The following PRKG1 variants were observed in gnomAD, a reference collection of about 807,000 sequenced individuals.
PRKG1 encodes protein kinase cGMP-dependent 1.
In PRKG1, 35 loss-of-function variants were observed where a neutral mutation model predicts 88.1. The ratio of observed to expected loss-of-function variants is 0.40; its 90% CI spans 0.30 to 0.53. PRKG1 has a LOEUF of 0.53. Ranked by LOEUF, PRKG1 falls within the 20% of genes least tolerant of loss-of-function variation. PRKG1 has a pLI of 0.59. For missense variants in PRKG1, 540 were observed against 839.8 expected (o/e 0.64, Z 4.41); for synonymous variants, 303 against 292.5 (o/e 1.04, Z -0.37).
intron 4 of PRKG1, among the ~76,000 whole-genome samples, chr10:51,809,532 A>T (rs1433830301): frequency 4.6e-5 from 7 of 152,188 alleles, no homozygotes; most frequent in African/African-American, 1.7e-4. Flanking sequence ...GAGGAGCATT[A>T]GTATGTAGCT....
chr10:51,538,264 A>C (rs1396116063), intron 3 of PRKG1, among the ~76,000 whole-genome samples: 1 of 151,946 alleles, frequency 6.6e-6, no homozygotes, highest in Non-Finnish European at 1.5e-5. Context: ...TCAGTACAAA[A>C]GATACTCCTC....
At chr10:51,611,853 A>G (rs1838918268) in intron 3 of PRKG1, among the ~76,000 whole-genome samples, 1 of 152,106 alleles carries the variant, frequency 6.6e-6, no homozygotes. Flanking sequence ...TCTTCTGCAT[A>G]TGGTTAACCA....
chr10:51,329,520 G>C (rs538883154), intron 2 of PRKG1, among the ~76,000 whole-genome samples: 3 of 152,084 alleles, frequency 2.0e-5, no homozygotes, highest in African/African-American at 7.2e-5. Context: ...TTTTACCAGC[G>C]GGTTTTATAC....
intron 3 of PRKG1, among the ~76,000 whole-genome samples, chr10:51,534,616 G>A (rs1346032925): frequency 2.1e-5 from 3 of 144,510 alleles, no homozygotes; most frequent in South Asian, 2.1e-4. Context: ...GCAGTGAGCC[G>A]AGATCACGCC....
At chr10:51,298,021 T>C (rs1840767795) in intron 2 of PRKG1, among the ~76,000 whole-genome samples, 2 of 152,168 alleles carry the variant, frequency 1.3e-5, no homozygotes, top group African/African-American at 4.8e-5. Context: ...CATTCATTTA[T>C]GTACCTAACC....
chr10:51,731,048 C>T (rs536522940), intron 3 of PRKG1, among the ~76,000 whole-genome samples: 1 of 151,980 alleles, frequency 6.6e-6, no homozygotes, highest in East Asian at 1.9e-4. Flanking sequence ...CCCAGCTACT[C>T]GGGAGGCTGA....
intron 4 of PRKG1, among the ~76,000 whole-genome samples, chr10:51,817,345 CAA>C (rs1839615156): frequency 2.6e-5 from 3 of 116,762 alleles, no homozygotes; most frequent in East Asian, 2.6e-4. Context: ...TATCCCTCCC[CAA>C]CCCCCCCCCT....
chr10:51,452,503 G>C (rs751081440), intron 2 of PRKG1, among the ~76,000 whole-genome samples: 1 of 151,880 alleles, frequency 6.6e-6, no homozygotes, highest in Non-Finnish European at 1.5e-5. Flanking sequence ...AATCATAAAG[G>C]AATGGCAGTT....
Position 51,811,345 on chromosome 10 carries a change from C to T in PRKG1, c.698+6655C>T, listed in dbSNP as rs116361267. Among the ~76,000 whole-genome samples, 535 of 152,170 alleles carry T rather than the reference C, an allele frequency of 3.5e-3. 1 individual carries two copies. The highest frequency in any genetic ancestry group is 0.011 in the African/African-American group (446 of 41,530). The stretch of plus-strand genomic sequence containing the variant: ...TTTTAGAAATAAAATTTCTAAAGCC[C>T]TTACAAGCTTTTCCTTCTTTGATCC... On this transcript the variant is annotated intron_variant, in intron 4 of 17. Transcript: ENST00000373980.
chr10:51,300,803 T>C (rs1389273187), intron 2 of PRKG1, among the ~76,000 whole-genome samples: 2 of 152,196 alleles, frequency 1.3e-5, no homozygotes, highest in African/African-American at 4.8e-5. Context: ...TCAGCAGCTG[T>C]CTCCTCCCTG....
intron 5 of PRKG1, among the ~76,000 whole-genome samples, chr10:52,024,204 T>G (rs1235614713): frequency 6.6e-6 from 1 of 152,180 alleles, no homozygotes; most frequent in Non-Finnish European, 1.5e-5. Flanking sequence ...GAAATGGCTG[T>G]GCTGTCCAAA....
chr10:51,895,699 CT>C (rs1441046109), intron 4 of PRKG1, among the ~76,000 whole-genome samples: 1 of 152,040 alleles, frequency 6.6e-6, no homozygotes, highest in Non-Finnish European at 1.5e-5. Flanking sequence ...CTCTTTCCGT[CT>C]ATTGGTCTCA....
chr10:51,017,729 T>A (rs1179128331), intron 1 of PRKG1, among the ~76,000 whole-genome samples: 1 of 152,116 alleles, frequency 6.6e-6, no homozygotes, highest in African/African-American at 2.4e-5. Context: ...TCATCATTTT[T>A]ATATCTTCAG....
At chr10:51,620,116 A>T (rs1398889014) in intron 3 of PRKG1, among the ~76,000 whole-genome samples, 2 of 152,050 alleles carry the variant, frequency 1.3e-5, no homozygotes, top group Non-Finnish European at 2.9e-5. Flanking sequence ...AATATATTTA[A>T]TTTTATTCAA....
At chr10:51,164,043 G>A (rs984025007) in intron 2 of PRKG1, among the ~76,000 whole-genome samples, 4 of 152,216 alleles carry the variant, frequency 2.6e-5, no homozygotes, top group Non-Finnish European at 5.9e-5. Context: ...GAAGAGAGCA[G>A]TGGTTCTCCC....
chr10:51,251,611 A>AG (rs58368756), intron 2 of PRKG1, among the ~76,000 whole-genome samples: 64 of 151,774 alleles, frequency 4.2e-4, no homozygotes, highest in African/African-American at 1.5e-3. Flanking sequence ...CAGAAAAAAA[A>AG]TGGTCATTTT....
At chr10:51,827,490 T>C (rs1564663933) in intron 4 of PRKG1, among the ~76,000 whole-genome samples, 1 of 152,114 alleles carries the variant, frequency 6.6e-6, no homozygotes, top group Admixed American at 6.6e-5. Context: ...GATAATATTA[T>C]ATTTTTGATA....
chr10:51,609,053 A>T (rs1298178418), intron 3 of PRKG1, among the ~76,000 whole-genome samples: 2 of 152,018 alleles, frequency 1.3e-5, no homozygotes, highest in Admixed American at 6.5e-5. Flanking sequence ...AAAAAGTTAT[A>T]ATAAGCTAAG....
intron 3 of PRKG1, among the ~76,000 whole-genome samples, chr10:51,612,525 G>A (rs1223762241): frequency 6.6e-6 from 1 of 151,892 alleles, no homozygotes; most frequent in Non-Finnish European, 1.5e-5. Context: ...AAAATTTTTT[G>A]TGGAATCTTT....
Sources: allele counts gnomAD v4.1 joint callset (sites outside exome capture counted in the v4.1 genomes callset), GRCh38; gene constraint gnomAD v4.1.1; transcripts MANE v1.5; gene names NCBI Gene and HGNC (gene_info 2026-07-23, HGNC 2026-07-21).